Variants in KCNS3 observed in about 807,000 individuals in gnomAD.
The protein encoded by KCNS3 is potassium voltage-gated channel modifier subfamily S member 3, also known as delayed-rectifier potassium channel regulatory subunit KCNS3.
A neutral mutation model predicts 31.0 loss-of-function variants in KCNS3; 13 were observed. The ratio of observed to expected loss-of-function variants is 0.42; its 90% CI spans 0.27 to 0.67. The LOEUF (loss-of-function observed/expected upper bound fraction) is 0.67, where lower values mean the gene tolerates loss of function less well. Among genes scored for constraint, KCNS3 ranks in the 30% least tolerant of loss-of-function variants. KCNS3 has a pLI of 0.25. For missense variants in KCNS3, 545 were observed against 622.4 expected, an observed-to-expected ratio of 0.88 and a Z score of 1.32; for synonymous variants, 238 against 241.5, an observed-to-expected ratio of 0.99 and a Z score of 0.13.
Position 17,932,573 on chromosome 2 carries a change from T to C in KCNS3, c.*89T>C. On this transcript the variant is annotated 3_prime_UTR_variant, in exon 3 of 3. Coordinates refer to ENST00000304101, the MANE Select transcript of KCNS3 (RefSeq NM_002252.5). ...ACCTCAGTGGGTTCGTTAAAATCAT[T>C]TAATTCTCAGGGTGTACCTTTCAGC... 1 of 1,367,746 alleles carries C rather than the reference T, an allele frequency of 7.3e-7. No individual in the cohort carries two copies. The highest frequency in any genetic ancestry group is 1.0e-6 in the Non-Finnish European group (1 of 1,001,618). 84.7% of individuals were successfully genotyped at this position (1,367,746 alleles called of 1,614,324 possible). A position where few individuals can be genotyped will look rare whatever the true frequency, so the allele number is the denominator to read the frequency against.
chr2:17,893,351 C>A (rs1178890570), intron 1 of KCNS3, among the ~76,000 whole-genome samples: 1 of 152,236 alleles, frequency 6.6e-6, no homozygotes, highest in Non-Finnish European at 1.5e-5. Flanking sequence ...TGCCTCCCAG[C>A]TGAGAAAGAA....
chr2:17,879,616 C>T (rs1460398022), intron 1 of KCNS3, among the ~76,000 whole-genome samples: 1 of 152,156 alleles, frequency 6.6e-6, no homozygotes, highest in Non-Finnish European at 1.5e-5. Context: ...CCAGTCTTGC[C>T]GGCAGGGGCC....
At chr2:17,925,125 A>T (rs1662806241) in intron 2 of KCNS3, among the ~76,000 whole-genome samples, 1 of 152,160 alleles carries the variant, frequency 6.6e-6, no homozygotes, top group Non-Finnish European at 1.5e-5. Context: ...GACTATCTGA[A>T]TGGACCCCTC....
chr2:17,880,314 T>C (rs1263961117), intron 1 of KCNS3, among the ~76,000 whole-genome samples: 1 of 152,218 alleles, frequency 6.6e-6, no homozygotes, highest in African/African-American at 2.4e-5. Flanking sequence ...TCGTTCAGTA[T>C]GCATTTCCAA....
At chr2:17,908,426 A>G (rs557189616) in intron 1 of KCNS3, among the ~76,000 whole-genome samples, 16 of 152,192 alleles carry the variant, frequency 1.1e-4, no homozygotes, top group Non-Finnish European at 2.4e-4. Flanking sequence ...TAGCTCGGAG[A>G]AGTTTGATCG....
At position 17,879,259 on chromosome 2, in the gene KCNS3, T is replaced by G. The variant is rs573470917; in HGVS notation, c.-252+453T>G. 2.0e-5 allele frequency: 3 copies of G among 152,342 alleles called. No homozygotes were observed. In the East Asian group the frequency reaches 5.8e-4, roughly 29 times the overall value. 9.4% of individuals were successfully genotyped at this position (152,342 alleles called of 1,614,324 possible). ...CTTGGCCGGGAAGCCGTTCCTTCCC[T>G]TCCTCGAGAGGAGGCGCTTTCCTGG... On this transcript the variant is annotated intron_variant, in intron 1 of 2. Coordinates refer to ENST00000304101, the MANE Select transcript of KCNS3 (RefSeq NM_002252.5).
intron 1 of KCNS3, among the ~76,000 whole-genome samples, chr2:17,910,403 A>AT (rs946183912): frequency 6.6e-6 from 1 of 152,072 alleles, no homozygotes; most frequent in African/African-American, 2.4e-5. Flanking sequence ...GAAAATAAAT[A>AT]TTTTTTTCTG....
intron 2 of KCNS3, among the ~76,000 whole-genome samples, chr2:17,925,108 C>G (rs1279481009): frequency 2.0e-5 from 3 of 152,034 alleles, no homozygotes; most frequent in East Asian, 1.9e-4. Flanking sequence ...AAATTCTAAG[C>G]CCTCTTGACT....
chr2:17,884,545 G>A (rs1661569430), intron 1 of KCNS3, among the ~76,000 whole-genome samples: 1 of 151,906 alleles, frequency 6.6e-6, no homozygotes, highest in South Asian at 2.1e-4. Context: ...TTGCAGAAGT[G>A]GAACCTAAAG....
chr2:17,893,486 C>T (rs1055021470), intron 1 of KCNS3, among the ~76,000 whole-genome samples: 7 of 152,220 alleles, frequency 4.6e-5, no homozygotes, highest in African/African-American at 1.4e-4. Context: ...CTAGAGAATT[C>T]CTTCTCCTTG....
At chr2:17,930,367 T>G (rs1021220406) in intron 2 of KCNS3, among the ~76,000 whole-genome samples, 6 of 152,156 alleles carry the variant, frequency 3.9e-5, no homozygotes, top group African/African-American at 1.4e-4. Context: ...ATTGTCCACA[T>G]CCAAACACAG....
intron 1 of KCNS3, among the ~76,000 whole-genome samples, chr2:17,900,035 G>A (rs1362512719): frequency 1.3e-5 from 2 of 152,150 alleles, no homozygotes; most frequent in African/African-American, 4.8e-5. Context: ...GAGAGCGGGC[G>A]TGGTCTCTGT....
At chr2:17,880,369 C>G (rs1340646060) in intron 1 of KCNS3, among the ~76,000 whole-genome samples, 1 of 152,244 alleles carries the variant, frequency 6.6e-6, no homozygotes, top group Non-Finnish European at 1.5e-5. Flanking sequence ...CGGGGACAGA[C>G]AGCAAATGGA....
chr2:17,897,460 T>G (rs1162390595), intron 1 of KCNS3, among the ~76,000 whole-genome samples: 1 of 152,202 alleles, frequency 6.6e-6, no homozygotes, highest in African/African-American at 2.4e-5. Flanking sequence ...TTGAGAAATC[T>G]CCAATCTGCT....
chr2:17,920,216 T>A (rs1211652018), intron 2 of KCNS3, among the ~76,000 whole-genome samples: 2 of 152,200 alleles, frequency 1.3e-5, no homozygotes, highest in Non-Finnish European at 2.9e-5. Context: ...AAAACAAATC[T>A]GGGTTTTTAT....
chr2:17,929,715 A>C (rs2125255165), intron 2 of KCNS3, among the ~76,000 whole-genome samples: 1 of 152,344 alleles, frequency 6.6e-6, no homozygotes, highest in African/African-American at 2.4e-5. Context: ...CCTCTCGCAT[A>C]GCATGCTTCA....
intron 1 of KCNS3, among the ~76,000 whole-genome samples, chr2:17,913,568 T>A (rs2125246758): frequency 6.6e-6 from 1 of 152,378 alleles, no homozygotes; most frequent in African/African-American, 2.4e-5. Flanking sequence ...TCTTCATTTT[T>A]AAAGTTTTGG....
chr2:17,906,109 A>G (rs1400120985), intron 1 of KCNS3, among the ~76,000 whole-genome samples: 2 of 152,122 alleles, frequency 1.3e-5, no homozygotes, highest in Non-Finnish European at 2.9e-5. Context: ...TTTGGTTGGT[A>G]GGCTATTAAT....
chr2:17,883,566 A>G (rs921062323), intron 1 of KCNS3, among the ~76,000 whole-genome samples: 1 of 152,168 alleles, frequency 6.6e-6, no homozygotes. Context: ...TGAGGAAGAG[A>G]CATTTCATTT....
Sources: allele counts gnomAD v4.1 joint callset (sites outside exome capture counted in the v4.1 genomes callset), GRCh38; gene constraint gnomAD v4.1.1; transcripts MANE v1.5; gene names NCBI Gene and HGNC (gene_info 2026-07-23, HGNC 2026-07-21).